Variants in PROM1 observed in about 807,000 individuals in gnomAD.
PROM1 encodes prominin 1, also known as prominin-1.
A neutral mutation model predicts 116.9 loss-of-function variants in PROM1; 105 were observed. The observed-to-expected ratio is 0.90, with a 90% confidence interval of 0.77 to 1.06. The LOEUF (loss-of-function observed/expected upper bound fraction) is 1.06. PROM1 is among the 50% of genes least tolerant of loss of function. The probability of loss-of-function intolerance (pLI) is 0.00; values close to 1 mark genes in which losing one functional copy is unlikely to be tolerated. For synonymous variants in PROM1, 393 were observed against 387.0 expected (o/e 1.02, Z -0.18); for missense variants, 1,122 against 1,045.2 (o/e 1.07, Z -1.01).
At chr4:16,078,919 A>T (rs774601435) in intron 1 of PROM1, among the ~76,000 whole-genome samples, 1 of 152,162 alleles carries the variant, frequency 6.6e-6, no homozygotes, top group Non-Finnish European at 1.5e-5. Context: ...TCCTTTGTCA[A>T]ATCATGGGCT....
At chr4:15,996,142 T>C (rs1400661955) in intron 15 of PROM1, among the ~76,000 whole-genome samples, 1 of 152,234 alleles carries the variant, frequency 6.6e-6, no homozygotes, top group Non-Finnish European at 1.5e-5. Context: ...GAAAGCACCA[T>C]GCAGGTGCTA....
At chr4:15,972,278 A>G (rs1353245444) in intron 26 of PROM1, among the ~76,000 whole-genome samples, 1 of 152,210 alleles carries the variant, frequency 6.6e-6, no homozygotes, top group Non-Finnish European at 1.5e-5. Flanking sequence ...GCTATAACAG[A>G]ATATCAGAGA....
At chr4:16,070,523 T>C (rs1028562832) in intron 2 of PROM1, among the ~76,000 whole-genome samples, 6 of 152,334 alleles carry the variant, frequency 3.9e-5, no homozygotes, top group African/African-American at 1.4e-4. Flanking sequence ...CATTTTGATT[T>C]GGACTGGTCT....
At chr4:16,078,424 T>C (rs1744389964) in intron 1 of PROM1, 1 of 152,194 alleles carries the variant, frequency 6.6e-6, no homozygotes, top group Admixed American at 6.5e-5. Flanking sequence ...TCCAGGTAGG[T>C]GGGTGGAAAC....
At position 15,981,205 on chromosome 4, in the gene PROM1, C is replaced by T. The variant is rs996902767; in HGVS notation, c.2374-668G>A. The stretch of plus-strand genomic sequence containing the variant: ...CTGGATCCCCTGACCTCATTATCTG[C>T]CCACCTCGGCCTCCCAAAGTGCTGA... On this transcript the variant is annotated intron_variant, in intron 23 of 27. Transcript: ENST00000447510. Among the ~76,000 whole-genome samples the T allele has an allele frequency of 4.4e-4, 66 of 150,884 alleles. 1 individual carries two copies. The highest frequency in any genetic ancestry group is 1.6e-3 in the African/African-American group (65 of 41,438).
intron 13 of PROM1, among the ~76,000 whole-genome samples, chr4:16,004,835 TCC>T (rs1475202348): frequency 0.011 from 712 of 61,988 alleles, 5 homozygotes; most frequent in African/African-American, 0.032. Flanking sequence ...TTCTTTTTCT[TCC>T]TTCCTTCCTT....
intron 9 of PROM1, 158 bp downstream of exon 9, chr4:16,018,165 A>T (rs1728881874): frequency 4.5e-6 from 3 of 660,838 alleles, no homozygotes; most frequent in Non-Finnish European, 7.9e-6. Context: ...TGGTCATTCC[A>T]ATATGGTGAT....
In PROM1 at chr4:16,018,385, C is replaced by T; in HGVS notation, c.940G>A (p.Glu314Lys). 6.2e-7 allele frequency: 1 copy of T among 1,613,840 alleles called. No individual in the cohort carries two copies. Among genetic ancestry groups the T allele is most frequent in the Non-Finnish European group, 8.5e-7 (1 of 1,179,894 alleles). Residue 314 changes from glutamate to lysine, a missense_variant, in exon 9 of 28, where the codon GAA (glutamate) becomes AAA (lysine). Physicochemically the swap from Glu to Lys is moderately conservative, Grantham distance 56. Transcript: ENST00000447510. ...DPLCLVHPSS[E>K]TCNSIRLSLS... ...GACAATCTGATGCTGTTGCAGGTTT[C>T]ACTTGATGGATGCACCAAGCACAGA...
chr4:15,995,842 G>A (rs1236957031), intron 15 of PROM1, among the ~76,000 whole-genome samples: 1 of 152,180 alleles, frequency 6.6e-6, no homozygotes, highest in East Asian at 1.9e-4. Flanking sequence ...TCTGTCACCT[G>A]TAAGTATCAC....
intron 4 of PROM1, among the ~76,000 whole-genome samples, 159 bp from the exon 5 acceptor site, chr4:16,033,668 C>A (rs1578138072): frequency 7.1e-6 from 1 of 140,122 alleles, no homozygotes; most frequent in Non-Finnish European, 1.5e-5. Flanking sequence ...CGGCTCACTG[C>A]AACCTCTGCC....
At chr4:15,990,963 C>T (rs1720835058) in intron 18 of PROM1, among the ~76,000 whole-genome samples, 1 of 152,258 alleles carries the variant, frequency 6.6e-6, no homozygotes. Flanking sequence ...GAGCTGTAAC[C>T]CTGCCACTGC....
At chr4:16,072,308 G>A (rs2149567871) in intron 2 of PROM1, among the ~76,000 whole-genome samples, 1 of 152,302 alleles carries the variant, frequency 6.6e-6, no homozygotes, top group East Asian at 1.9e-4. Context: ...ATTGGACACA[G>A]AATATAAAAG....
At chr4:15,994,177 T>G in intron 15 of PROM1, 106 bp from the exon 16 acceptor site, 1 of 1,550,804 alleles carries the variant, frequency 6.4e-7, no homozygotes, top group Non-Finnish European at 8.7e-7. Flanking sequence ...TTGTTTAATC[T>G]GTGAACACAG....
chr4:16,071,891 C>A (rs1742900583), intron 2 of PROM1, among the ~76,000 whole-genome samples: 1 of 152,140 alleles, frequency 6.6e-6, no homozygotes, highest in Non-Finnish European at 1.5e-5. Context: ...ACACCCTGTC[C>A]CTAACTTCCT....
intron 15 of PROM1, among the ~76,000 whole-genome samples, chr4:15,996,816 GAAT>G (rs1308356807): frequency 6.6e-6 from 1 of 152,148 alleles, no homozygotes; most frequent in Non-Finnish European, 1.5e-5. Flanking sequence ...AACTCTGAGA[GAAT>G]AATAAGAACA....
intron 15 of PROM1, among the ~76,000 whole-genome samples, chr4:15,996,626 A>C (rs746338233): frequency 6.6e-6 from 1 of 152,244 alleles, no homozygotes; most frequent in Non-Finnish European, 1.5e-5. Context: ...TGATTAATTA[A>C]ATGTGTGCAT....
intron 6 of PROM1, 50 bp downstream of exon 6, chr4:16,025,142 A>G: frequency 6.3e-7 from 1 of 1,584,502 alleles, no homozygotes; most frequent in Non-Finnish European, 8.6e-7. Context: ...AGGAACTCCA[A>G]AAAACCAAAA....
chr4:16,003,608 C>T (rs1042130696), intron 13 of PROM1, among the ~76,000 whole-genome samples: 7 of 152,138 alleles, frequency 4.6e-5, no homozygotes, highest in Non-Finnish European at 8.8e-5. Context: ...CCTCCTACGC[C>T]CCCCTGCAAC....
chr4:15,988,921 G>A (rs2149099033), intron 19 of PROM1, among the ~76,000 whole-genome samples: 1 of 152,336 alleles, frequency 6.6e-6, no homozygotes, highest in East Asian at 1.9e-4. Flanking sequence ...ATGTTTGGAT[G>A]TTGGGGCTAA....
Sources: allele counts gnomAD v4.1 joint callset (sites outside exome capture counted in the v4.1 genomes callset), GRCh38; gene constraint gnomAD v4.1.1; transcripts MANE v1.5; gene names NCBI Gene and HGNC (gene_info 2026-07-23, HGNC 2026-07-21).